Variants in FHDC1 observed in about 807,000 individuals in gnomAD.
The protein encoded by FHDC1 is FH2 domain containing 1.
A neutral mutation model predicts 52.6 loss-of-function variants in FHDC1; 25 were observed. That is an observed-to-expected ratio of 0.48 (90% CI 0.35 to 0.66). The LOEUF (loss-of-function observed/expected upper bound fraction) is 0.66, where lower values mean the gene tolerates loss of function less well. Among genes scored for constraint, FHDC1 ranks in the 30% least tolerant of loss-of-function variants. The pLI is 0.01. For missense variants in FHDC1, 1,459 were observed against 1,452.8 expected (o/e 1.00, Z -0.07); for synonymous variants, 616 against 581.5 (o/e 1.06, Z -0.85).
chr4:152,913,923 T>C, the FHDC1 span, among the ~76,000 whole-genome samples: 6 of 152,172 alleles, frequency 3.9e-5, no homozygotes, highest in African/African-American at 1.4e-4. Context: ...TCAGGTGATC[T>C]GCCTGCCTCC....
At position 152,975,305 on chromosome 4, in the gene FHDC1, G is replaced by A. The variant is rs1181434429; in HGVS notation, c.2014G>A (p.Glu672Lys). ...CTCGCCATTGGCTCTGGGAATTAAG[G>A]AGCATGAGCTGGTGACAGGGCTGGC... ...PLSPLALGIK[E>K]HELVTGLAQF... Residue 672 changes from glutamate to lysine, a missense_variant, in exon 12 of 12, where the codon GAG (glutamate) becomes AAG (lysine). Physicochemically the swap from Glu to Lys is moderately conservative, Grantham distance 56 (BLOSUM62 1). Coordinates refer to ENST00000511601, the MANE Select transcript of FHDC1 (RefSeq NM_001371116.1). 3.7e-6 allele frequency: 6 copies of A among 1,613,548 alleles called. No homozygotes were observed. The African/African-American group carries it at 6.7e-5, about 18-fold the overall frequency.
In FHDC1 at chr4:152,978,345, T is replaced by A. The variant is rs1322257060; in HGVS notation, c.*1622T>A. On this transcript the variant is annotated 3_prime_UTR_variant, in exon 12 of 12. Transcript: ENST00000511601. ...TTTCTAACATGGCCTGGAGAGAGTC[T>A]CTCTCTCCTTGTCTCTGTCTCTTAA... The A allele has an allele frequency of 2.0e-5, 3 of 152,224 alleles. No individual in the cohort carries two copies. Among genetic ancestry groups the A allele is most frequent in the Non-Finnish European group, 4.4e-5 (3 of 68,042 alleles). The allele number at this position is 152,224 out of a possible 1,614,324, so 9.4% of individuals were successfully genotyped here.
At chr4:152,964,172 A>G (rs1478421254) in intron 8 of FHDC1, among the ~76,000 whole-genome samples, 1 of 152,206 alleles carries the variant, frequency 6.6e-6, no homozygotes, top group Admixed American at 6.5e-5. Context: ...AGCTGACTCC[A>G]TAAAGTGCTT....
In FHDC1 at chr4:152,976,670, A is replaced by G; in HGVS notation, c.3379A>G (p.Lys1127Glu). The G allele has an allele frequency of 6.4e-7, 1 of 1,564,226 alleles. No homozygotes were observed. The highest frequency in any genetic ancestry group is 8.7e-7 in the Non-Finnish European group (1 of 1,155,954). Residue 1127 changes from lysine to glutamate, a missense_variant, in exon 12 of 12, where the codon AAG becomes GAG. By Grantham distance (56) the Lys-to-Glu change is moderately conservative (BLOSUM62 1). Around this residue, in one of 3 missense-constraint regions of FHDC1, gnomAD observed 939 missense variants for 854.5 expected, o/e 1.10. Transcript: ENST00000511601. Reference sequence around the variant, plus strand: ...TGGGGAAAGGGCCTCCCTCCGTCGGAAGGACTCCAGTCGGACCACGCTGGG... The same window carrying G: ...TGGGGAAAGGGCCTCCCTCCGTCGGGAGGACTCCAGTCGGACCACGCTGGG... ...GAGERASLRR[K>E]DSSRTTLGRI... is the part of the protein sequence containing the mutation.
intron 1 of FHDC1, among the ~76,000 whole-genome samples, chr4:152,938,437 G>C (rs183867520): frequency 6.6e-6 from 1 of 152,240 alleles, no homozygotes; most frequent in East Asian, 1.9e-4. Flanking sequence ...CTGCGTAATT[G>C]TACCGACTGA....
At position 152,976,276 on chromosome 4, in the gene FHDC1, G is replaced by A; in HGVS notation, c.2985G>A (p.Gln995=). Residue 995 remains glutamine (Q), a synonymous_variant, in exon 12 of 12, where the codon CAG becomes CAA. Transcript: ENST00000511601. ...AACCACTCAGGAACCTCCCCAGACAGAAGCCTGAGGAAAATAAGACCTGCC... is the reference window on the plus strand; with the variant it reads ...AACCACTCAGGAACCTCCCCAGACAAAAGCCTGAGGAAAATAAGACCTGCC... The part of the protein sequence containing the change: ...SAKPLRNLPR[Q]KPEENKTCRA... 2 of 1,613,498 alleles carry A rather than the reference G, an allele frequency of 1.2e-6. No individual in the cohort carries two copies. The highest frequency in any genetic ancestry group is 1.7e-6 in the Non-Finnish European group (2 of 1,179,996).
chr4:152,970,125 A>G (rs560272366), intron 10 of FHDC1, among the ~76,000 whole-genome samples: 14 of 152,130 alleles, frequency 9.2e-5, no homozygotes, highest in South Asian at 2.1e-4. Context: ...CTCAAACTCT[A>G]TGCCATAAGA....
intron 2 of FHDC1, 148 bp from the exon 3 acceptor site, chr4:152,953,351 A>G: frequency 1.6e-6 from 1 of 624,252 alleles, no homozygotes; most frequent in South Asian, 2.1e-5. Context: ...AAACTATGTT[A>G]GGAATATCTG....
At chr4:152,915,523 A>G in the FHDC1 span, among the ~76,000 whole-genome samples, 2 of 152,244 alleles carry the variant, frequency 1.3e-5, no homozygotes, top group African/African-American at 2.4e-5. Context: ...TTTCATTTGA[A>G]TGAGTTACAA....
At chr4:152,953,413 C>T (rs1350400804) in intron 2 of FHDC1, 86 bp from the exon 3 acceptor site, 6 of 1,017,348 alleles carry the variant, frequency 5.9e-6, no homozygotes, top group Non-Finnish European at 7.5e-6. Flanking sequence ...ATTAGTGTTG[C>T]ATTTTGATCG....
chr4:152,919,178 A>C, the FHDC1 span, among the ~76,000 whole-genome samples: 1 of 152,272 alleles, frequency 6.6e-6, no homozygotes, highest in East Asian at 1.9e-4. Context: ...ATCACAAGCA[A>C]TGTGAAAATA....
At chr4:152,920,148 A>G in the FHDC1 span, among the ~76,000 whole-genome samples, 1 of 151,934 alleles carries the variant, frequency 6.6e-6, no homozygotes, top group East Asian at 1.9e-4. Context: ...GGGTTTCACC[A>G]TATGGTCAGG....
chr4:152,939,860 C>CT (rs1158438595), intron 1 of FHDC1, among the ~76,000 whole-genome samples: 6 of 152,178 alleles, frequency 3.9e-5, no homozygotes, highest in Non-Finnish European at 8.8e-5. Context: ...AGGCCTGTCT[C>CT]TGTCTGCCCA....
intron 4 of FHDC1, among the ~76,000 whole-genome samples, chr4:152,959,892 A>G (rs1270613253): frequency 6.6e-6 from 1 of 152,096 alleles, no homozygotes; most frequent in East Asian, 1.9e-4. Context: ...CCTCCTTTCC[A>G]GGCATCCACA....
intron 1 of FHDC1, among the ~76,000 whole-genome samples, chr4:152,938,903 C>CCGCTGGTG (rs1404010315): frequency 6.6e-6 from 1 of 151,830 alleles, no homozygotes; most frequent in African/African-American, 2.4e-5. Context: ...AGCACCAGGA[C>CCGCTGGTG]CACTGGTGCA....
chr4:152,964,818 T>C, intron 8 of FHDC1, 87 bp from the exon 9 acceptor site: 2 of 1,079,228 alleles, frequency 1.9e-6, no homozygotes, highest in Non-Finnish European at 2.8e-6. Flanking sequence ...ACAGGAGCAG[T>C]GATTTTAAGA....
rs1255617052 is a variant in FHDC1 at position 152,943,539 on chromosome 4, G to A, written c.482G>A (p.Arg161Lys). Residue 161 changes from arginine (R) to lysine (K), a missense_variant, in exon 2 of 12, where the codon AGA (arginine) becomes AAA (lysine). This residue lies in a region of FHDC1 where 513 missense variants were observed against 581.5 expected (regional missense o/e 0.88). Coordinates refer to ENST00000511601, the MANE Select transcript of FHDC1 (RefSeq NM_001371116.1). ...RRGRTLNSSF[R>K]EAREEITILD... ...GGAAGAACTTTAAATTCATCCTTCAGAGAAGCTCGAGAAGAGGTAAGAATG... is the reference window on the plus strand; with the variant it reads ...GGAAGAACTTTAAATTCATCCTTCAAAGAAGCTCGAGAAGAGGTAAGAATG... 9 of 1,611,762 alleles carry A rather than the reference G, an allele frequency of 5.6e-6. No individual in the cohort carries two copies. Among genetic ancestry groups the A allele is most frequent in the Non-Finnish European group, 7.6e-6 (9 of 1,178,852 alleles).
the FHDC1 span, chr4:152,912,215 A>T: frequency 6.6e-6 from 1 of 152,168 alleles, no homozygotes; most frequent in Non-Finnish European, 1.5e-5. Flanking sequence ...AGAAAAAAGT[A>T]AATCAATATA....
At chr4:152,921,860 G>A in the FHDC1 span, among the ~76,000 whole-genome samples, 1 of 152,128 alleles carries the variant, frequency 6.6e-6, no homozygotes, top group Non-Finnish European at 1.5e-5. Flanking sequence ...TCAAAGCAGT[G>A]TGTAGAGGGA....
Sources: gnomAD v4.1 joint callset for allele counts (sites outside exome capture counted in the v4.1 genomes callset) on GRCh38, gnomAD v4.1.1 for gene constraint, gnomAD v4.1.1 regional missense constraint, MANE v1.5 for transcripts, NCBI Gene and HGNC (gene_info 2026-07-23, HGNC 2026-07-21) for gene names.